Variants in SLX4IP observed in about 807,000 individuals in gnomAD.
The protein encoded by SLX4IP is SLX4 interacting protein.
Under a neutral mutation model 32.9 loss-of-function variants are expected in SLX4IP, and 34 were observed. The observed-to-expected ratio is 1.03, with a 90% CI of 0.79 to 1.38. SLX4IP has a LOEUF of 1.38. SLX4IP is among the 40% of genes most tolerant of loss of function. The pLI, the probability that SLX4IP is intolerant of heterozygous loss-of-function variation, is 0.00. For missense variants in SLX4IP, 444 were observed against 479.0 expected (o/e 0.93, Z 0.68); for synonymous variants, 172 against 171.7 (o/e 1.00, Z -0.01).
At chr20:10,612,194 A>G (rs867642691) in intron 6 of SLX4IP, among the ~76,000 whole-genome samples, 2 of 152,210 alleles carry the variant, frequency 1.3e-5, no homozygotes, top group African/African-American at 4.8e-5. Context: ...TCACATTTGA[A>G]AATGTGTTCA....
chr20:10,451,909 A>G (rs1330803985), intron 1 of SLX4IP, among the ~76,000 whole-genome samples: 1 of 151,986 alleles, frequency 6.6e-6, no homozygotes, highest in Non-Finnish European at 1.5e-5. Context: ...TGGAAGTTGC[A>G]GTGAGCCAAG....
intron 2 of SLX4IP, among the ~76,000 whole-genome samples, chr20:10,491,172 TA>T (rs2065620027): frequency 6.6e-6 from 1 of 152,218 alleles, no homozygotes; most frequent in African/African-American, 2.4e-5. Flanking sequence ...TTTAAATACT[TA>T]ATAAAATGGC....
chr20:10,539,263 A>G (rs2066078298), intron 2 of SLX4IP, among the ~76,000 whole-genome samples: 1 of 152,210 alleles, frequency 6.6e-6, no homozygotes. Context: ...AAGAAACATT[A>G]GAAGAATTTG....
At chr20:10,479,431 C>T (rs1862375814) in intron 2 of SLX4IP, among the ~76,000 whole-genome samples, 1 of 148,866 alleles carries the variant, frequency 6.7e-6, no homozygotes, top group Non-Finnish European at 1.5e-5. Flanking sequence ...CAGCTCACTG[C>T]AACCTCCGCC....
rs927229811 is a variant in SLX4IP at position 10,626,479 on chromosome 20, G to A, written c.*3100G>A. 8.5e-5 allele frequency: 13 copies of A among 152,146 alleles called. No homozygotes were observed. The highest frequency in any genetic ancestry group is 2.9e-4 in the African/African-American group (12 of 41,416). 9.4% of individuals were successfully genotyped at this position (152,146 alleles called of 1,614,324 possible). On this transcript the variant is annotated 3_prime_UTR_variant, in exon 8 of 8. Transcript: ENST00000334534. ...AGTCCCTGTGACTCCAATGCTTGGAGAAGTCATTGATATGATTTGATTAAT... is the reference window on the plus strand; with the variant it reads ...AGTCCCTGTGACTCCAATGCTTGGAAAAGTCATTGATATGATTTGATTAAT...
chr20:10,498,067 A>G (rs976236070), intron 2 of SLX4IP, among the ~76,000 whole-genome samples: 5 of 150,966 alleles, frequency 3.3e-5, no homozygotes, highest in Admixed American at 6.6e-5. Context: ...ATTCATGGAT[A>G]TATCATTTTA....
intron 2 of SLX4IP, among the ~76,000 whole-genome samples, chr20:10,549,535 G>A (rs529255445): frequency 2.6e-5 from 4 of 152,208 alleles, no homozygotes; most frequent in Admixed American, 6.5e-5. Context: ...CAAATAAAGG[G>A]GAGTGGGTTC....
At chr20:10,472,248 T>G (rs2065430529) in intron 2 of SLX4IP, among the ~76,000 whole-genome samples, 1 of 151,600 alleles carries the variant, frequency 6.6e-6, no homozygotes, top group South Asian at 2.1e-4. Flanking sequence ...TTTTTTTTTT[T>G]GAGATGGAGT....
At chr20:10,591,074 T>C (rs1261330139) in intron 4 of SLX4IP, among the ~76,000 whole-genome samples, 1 of 152,238 alleles carries the variant, frequency 6.6e-6, no homozygotes, top group Non-Finnish European at 1.5e-5. Flanking sequence ...AAATCACTGC[T>C]GTCCCCTTTA....
chr20:10,470,371 G>A (rs555824933), intron 2 of SLX4IP, among the ~76,000 whole-genome samples: 12 of 152,250 alleles, frequency 7.9e-5, no homozygotes, highest in African/African-American at 2.6e-4. Context: ...CAGCGTAGCC[G>A]TCATTAGCCA....
intron 4 of SLX4IP, among the ~76,000 whole-genome samples, chr20:10,562,343 G>A (rs2066342181): frequency 2.0e-5 from 3 of 152,112 alleles, no homozygotes; most frequent in Non-Finnish European, 4.4e-5. Flanking sequence ...TGGGAAGGTG[G>A]TCTTCCCCTG....
In SLX4IP at chr20:10,467,209, G is replaced by A. The variant is rs889670713; in HGVS notation, c.27+8978G>A. ...TACTGACTATTATCAGTGCTCATTT[G>A]AAAATGGCTGCGTTGATTTTGTGTA... On this transcript the variant is annotated intron_variant, in intron 2 of 7. Transcript: ENST00000334534. 3.9e-5 allele frequency among the ~76,000 whole-genome samples: 6 copies of A among 152,312 alleles called. No homozygotes were observed. In the East Asian group the frequency reaches 5.8e-4, roughly 15 times the overall value.
intron 6 of SLX4IP, among the ~76,000 whole-genome samples, chr20:10,605,706 A>G (rs1275652212): frequency 6.6e-6 from 1 of 152,176 alleles, no homozygotes; most frequent in Non-Finnish European, 1.5e-5. Flanking sequence ...TTGTGGTTCA[A>G]GTTGTGAAAA....
At chr20:10,492,423 T>G (rs1160313306) in intron 2 of SLX4IP, among the ~76,000 whole-genome samples, 1 of 152,222 alleles carries the variant, frequency 6.6e-6, no homozygotes, top group Non-Finnish European at 1.5e-5. Context: ...CTTTTTCCAA[T>G]CTTATGGGTG....
chr20:10,575,256 A>G (rs1410738945), intron 4 of SLX4IP, among the ~76,000 whole-genome samples: 1 of 152,192 alleles, frequency 6.6e-6, no homozygotes, highest in Non-Finnish European at 1.5e-5. Context: ...GGAGGCCTGT[A>G]GTTCCATTTT....
rs745874297 is a variant in SLX4IP, at chr20:10,479,356, T to TTTC, written c.27+21127_27+21128insCTT. On this transcript the variant is annotated intron_variant, in intron 2 of 7. Transcript: ENST00000334534. ...CATCGCTCAAATTCCATATTTCTTT[T>TTTC]TTTTTTTTTTTTTTGAGATGGAGTC... 3.7e-4 allele frequency among the ~76,000 whole-genome samples: 42 copies of TTTC among 115,042 alleles called. 4 individuals carry two copies. The highest frequency in any genetic ancestry group is 6.2e-4 in the Non-Finnish European group (28 of 45,100). 75.5% of individuals were successfully genotyped at this position (115,042 alleles called of 152,430 possible). A position where few individuals can be genotyped will look rare whatever the true frequency, so the allele number is the denominator to read the frequency against.
chr20:10,613,603 C>A, intron 6 of SLX4IP: 1 of 1,613,500 alleles, frequency 6.2e-7, no homozygotes, highest in South Asian at 1.1e-5. Flanking sequence ...AGCCCCAACT[C>A]CTTTCTGCTC....
Position 10,481,153 on chromosome 20 carries a change from A to T in SLX4IP, c.27+22922A>T, listed in dbSNP as rs113704724. 9.8e-4 allele frequency among the ~76,000 whole-genome samples: 149 copies of T among 152,050 alleles called. 1 individual carries two copies. The highest frequency in any genetic ancestry group is 3.1e-3 in the African/African-American group (130 of 41,466). On this transcript the variant is annotated intron_variant, in intron 2 of 7. Coordinates refer to ENST00000334534, the MANE Select transcript of SLX4IP (RefSeq NM_001009608.3). The stretch of plus-strand genomic sequence containing the variant: ...TCATTCTTCAGAGACATTCTTTTTT[A>T]AAAAAGGTTTGTATAAATTTAGGGG...
intron 1 of SLX4IP, among the ~76,000 whole-genome samples, chr20:10,447,132 G>C (rs948354587): frequency 6.6e-6 from 1 of 152,144 alleles, no homozygotes; most frequent in Non-Finnish European, 1.5e-5. Context: ...ATGAGCAGTT[G>C]TTTGACCACA....
Sources: allele counts gnomAD v4.1 joint callset (sites outside exome capture counted in the v4.1 genomes callset), GRCh38; gene constraint gnomAD v4.1.1; transcripts MANE v1.5; gene names NCBI Gene and HGNC (gene_info 2026-07-23, HGNC 2026-07-21).